FMN2: variants seen among roughly 807,000 people sequenced by gnomAD.
FMN2 encodes formin-2.
In FMN2, 51 loss-of-function variants were observed where a neutral mutation model predicts 142.3. The ratio of observed to expected loss-of-function variants is 0.36; its 90% CI spans 0.29 to 0.45. The LOEUF (loss-of-function observed/expected upper bound fraction) is 0.45. Ranked by LOEUF, FMN2 falls within the 20% of genes least tolerant of loss-of-function variation. The pLI, the probability that FMN2 is intolerant of heterozygous loss-of-function variation, is 1.00. For missense variants in FMN2, 1,936 were observed against 2,122.8 expected, an observed-to-expected ratio of 0.91 and a Z score of 1.73; for synonymous variants, 882 against 869.8, an observed-to-expected ratio of 1.01 and a Z score of -0.25.
intron 2 of FMN2, among the ~76,000 whole-genome samples, chr1:240,175,696 G>A (rs1238608751): frequency 2.1e-5 from 3 of 145,232 alleles, no homozygotes; most frequent in African/African-American, 7.7e-5. Context: ...GCCCAGGCTG[G>A]TGCTTTATTT....
intron 6 of FMN2, among the ~76,000 whole-genome samples, chr1:240,217,980 T>TATACCACGGTATATAA (rs1666966810): frequency 6.6e-6 from 1 of 152,164 alleles, no homozygotes; most frequent in African/African-American, 2.4e-5. Flanking sequence ...TTTATATTTA[T>TATACCACGGTATATAA]ATACCACGGT....
intron 10 of FMN2, 130 bp downstream of exon 10, chr1:240,329,598 G>A: frequency 1.6e-6 from 2 of 1,220,290 alleles, no homozygotes; most frequent in Non-Finnish European, 2.3e-6. Flanking sequence ...CAGTCCCACA[G>A]AAGGGAACAT....
intron 8 of FMN2, among the ~76,000 whole-genome samples, chr1:240,307,854 T>C (rs1670466953): frequency 6.6e-6 from 1 of 152,230 alleles, no homozygotes. Context: ...ATGATATTCT[T>C]CCAACCCATG....
intron 6 of FMN2, among the ~76,000 whole-genome samples, chr1:240,250,270 A>G (rs1220605519): frequency 6.6e-6 from 1 of 152,090 alleles, no homozygotes; most frequent in Non-Finnish European, 1.5e-5. Flanking sequence ...TTCCTACTAT[A>G]CCTAGATTAT....
intron 1 of FMN2, among the ~76,000 whole-genome samples, chr1:240,104,560 G>T (rs1182166919): frequency 6.6e-6 from 1 of 151,966 alleles, no homozygotes; most frequent in African/African-American, 2.4e-5. Context: ...TTTATCTATT[G>T]CTCTCTTTGA....
chr1:240,280,204 T>A (rs911621942), intron 7 of FMN2, among the ~76,000 whole-genome samples: 3 of 152,156 alleles, frequency 2.0e-5, no homozygotes, highest in African/African-American at 7.2e-5. Flanking sequence ...TTACATATAC[T>A]AAAGAAGTTG....
chr1:240,394,480 C>T (rs1339902934), intron 15 of FMN2, among the ~76,000 whole-genome samples: 1 of 152,218 alleles, frequency 6.6e-6, no homozygotes, highest in Non-Finnish European at 1.5e-5. Flanking sequence ...AGGTAAGAAA[C>T]CTCTGTAACA....
At chr1:240,238,872 C>T (rs1398459936) in intron 6 of FMN2, among the ~76,000 whole-genome samples, 3 of 152,066 alleles carry the variant, frequency 2.0e-5, no homozygotes, top group African/African-American at 7.2e-5. Context: ...ATTTTACAGG[C>T]AAAAGCCATT....
intron 15 of FMN2, among the ~76,000 whole-genome samples, chr1:240,431,403 T>TATATATATATAC (rs1675167917): frequency 1.1e-3 from 16 of 15,148 alleles, no homozygotes; most frequent in African/African-American, 2.1e-3. Context: ...AACCATGTTT[T>TATATATATATAC]ATATATATAT....
At chr1:240,379,681 T>C (rs575567174) in intron 14 of FMN2, among the ~76,000 whole-genome samples, 13 of 152,146 alleles carry the variant, frequency 8.5e-5, no homozygotes, top group Non-Finnish European at 1.2e-4. Flanking sequence ...GTTTCATATA[T>C]TAAATACATT....
intron 7 of FMN2, among the ~76,000 whole-genome samples, chr1:240,283,210 A>G (rs1018008285): frequency 3.3e-5 from 5 of 152,072 alleles, no homozygotes; most frequent in African/African-American, 1.2e-4. Context: ...ATAAATAAAA[A>G]TTAAGGCAGC....
At chr1:240,425,237 C>T (rs1016322204) in intron 15 of FMN2, among the ~76,000 whole-genome samples, 22 of 47,482 alleles carry the variant, frequency 4.6e-4, no homozygotes, top group East Asian at 1.5e-3. Context: ...GAGAGAGAGC[C>T]GTGAGACACT....
At chr1:240,295,264 A>C (rs1342780132) in intron 8 of FMN2, among the ~76,000 whole-genome samples, 1 of 152,142 alleles carries the variant, frequency 6.6e-6, no homozygotes, top group African/African-American at 2.4e-5. Context: ...TAACTGAAAA[A>C]GATTGAATAC....
chr1:240,314,019 G>A (rs558458408), intron 8 of FMN2, among the ~76,000 whole-genome samples: 6 of 152,154 alleles, frequency 3.9e-5, no homozygotes, highest in East Asian at 1.9e-4. Context: ...AATATTTAAC[G>A]TGTACATTTT....
chr1:240,326,027 A>G (rs1174567228), intron 8 of FMN2, among the ~76,000 whole-genome samples: 1 of 152,132 alleles, frequency 6.6e-6, no homozygotes, highest in Non-Finnish European at 1.5e-5. Context: ...GGAGCCCTAT[A>G]TTTTTTCTAG....
At chr1:240,400,859 A>C (rs553575832) in intron 15 of FMN2, 27 of 152,428 alleles carry the variant, frequency 1.8e-4, no homozygotes, top group African/African-American at 6.3e-4. Context: ...GCGGTGGCTC[A>C]CACCTTTAAT....
In FMN2 at chr1:240,474,170, A is replaced by C. The variant is rs1676899304; in HGVS notation, c.*16A>C. 1 of 1,546,908 alleles carries C rather than the reference A, an allele frequency of 6.5e-7. No homozygotes were observed. On this transcript the variant is annotated 3_prime_UTR_variant, in exon 18 of 18. Transcript: ENST00000319653. ...GAAAACTTGAACAATGAAAAGCAGAATGAAAATGAGTCATTGCAACGACTT... is the reference window on the plus strand; with the variant it reads ...GAAAACTTGAACAATGAAAAGCAGACTGAAAATGAGTCATTGCAACGACTT...
intron 2 of FMN2, among the ~76,000 whole-genome samples, chr1:240,135,682 C>CTTTTTTT (rs201355071): frequency 7.3e-6 from 1 of 136,176 alleles, no homozygotes. Context: ...TGTCATGTTT[C>CTTTTTTT]TTTTTTTTTT....
At position 240,333,971 on chromosome 1, in the gene FMN2, A is replaced by G. The variant is rs78967568; in HGVS notation, c.4644+25A>G. The G allele has an allele frequency of 5.5e-5, 87 of 1,591,680 alleles. No homozygotes were observed. In the East Asian group the frequency reaches 1.9e-3, roughly 34 times the overall value. On this transcript the variant is annotated intron_variant, in intron 12 of 17. Transcript: ENST00000319653. ...GGTAAGACAATTTTTACATATAGTC[A>G]TATTCCATTATTCTTTATTCGTTGG...
Sources: gnomAD v4.1 joint callset for allele counts (sites outside exome capture counted in the v4.1 genomes callset) on GRCh38, gnomAD v4.1.1 for gene constraint, MANE v1.5 for transcripts, NCBI Gene and HGNC (gene_info 2026-07-23, HGNC 2026-07-21) for gene names.